The following CHD7 variants were observed in gnomAD, a reference collection of about 807,000 sequenced individuals.
CHD7 encodes ATP-dependent chromatin remodeler CHD7.
In CHD7, 24 loss-of-function variants were observed where a neutral mutation model predicts 307.3. The ratio of observed to expected loss-of-function variants is 0.08; its 90% CI spans 0.06 to 0.11. The LOEUF is 0.11. Among genes scored for constraint, CHD7 ranks in the 10% least tolerant of loss-of-function variants. The pLI is 1.00. For synonymous variants in CHD7, 1,363 were observed against 1,349.9 expected (o/e 1.01, Z -0.21); for missense variants, 3,106 against 3,727.1 (o/e 0.83, Z 4.34).
chr8:60,744,511 G>A (rs1809223501), intron 2 of CHD7, among the ~76,000 whole-genome samples: 1 of 121,856 alleles, frequency 8.2e-6, no homozygotes, highest in Non-Finnish European at 1.6e-5. Context: ...TTTTAGTGGT[G>A]ATAATTGTCT....
At chr8:60,842,713 A>G (rs1389305685) in intron 21 of CHD7, among the ~76,000 whole-genome samples, 1 of 152,180 alleles carries the variant, frequency 6.6e-6, no homozygotes, top group African/African-American at 2.4e-5. Flanking sequence ...CTGCAGCTAG[A>G]GTAACCTTTC....
intron 2 of CHD7, among the ~76,000 whole-genome samples, chr8:60,765,910 G>C (rs975987287): frequency 6.6e-6 from 1 of 152,176 alleles, no homozygotes; most frequent in Non-Finnish European, 1.5e-5. Context: ...CAGACTTAAG[G>C]GAGAACATAG....
At chr8:60,824,133 G>A (rs966431969) in intron 13 of CHD7, 117 bp downstream of exon 13, 9 of 909,696 alleles carry the variant, frequency 9.9e-6, no homozygotes, top group Non-Finnish European at 1.5e-5. Context: ...GTCAAATATT[G>A]TGATATATTC....
Position 60,747,814 on chromosome 8 carries a change from G to T in CHD7, c.1665+4717G>T, listed in dbSNP as rs1325882874. ...GTCACCACCTGACGTTAGTAAGGGT[G>T]TCAGGACTTCATTTCATTATCTCTG... On this transcript the variant is annotated intron_variant, in intron 2 of 37. Coordinates refer to ENST00000423902, the MANE Select transcript of CHD7 (RefSeq NM_017780.4). Among the ~76,000 whole-genome samples, 10 of 152,208 alleles carry T rather than the reference G, an allele frequency of 6.6e-5. No homozygotes were observed. The East Asian group carries it at 1.9e-3, about 29-fold the overall frequency.
intron 1 of CHD7, among the ~76,000 whole-genome samples, chr8:60,710,368 A>G (rs1807225534): frequency 6.6e-6 from 1 of 152,134 alleles, no homozygotes; most frequent in Non-Finnish European, 1.5e-5. Context: ...CAATGCACAC[A>G]GTTATGTACG....
intron 1 of CHD7, among the ~76,000 whole-genome samples, chr8:60,727,245 G>A (rs942523973): frequency 1.3e-5 from 2 of 152,030 alleles, no homozygotes; most frequent in Non-Finnish European, 2.9e-5. Context: ...TCCCACCTCA[G>A]CCTCCCCAGT....
In CHD7 at chr8:60,782,262, G is replaced by A. The variant is rs189878973; in HGVS notation, c.2096+832G>A. On this transcript the variant is annotated intron_variant, in intron 3 of 37. Transcript: ENST00000423902. ...CCGAATCTGTTTGCAAACTCCATTA[G>A]AAAACACGCCCACCCCATACCCTCA... 3.2e-3 allele frequency among the ~76,000 whole-genome samples: 484 copies of A among 152,250 alleles called. 1 individual carries two copies. The highest frequency in any genetic ancestry group is 6.8e-3 in the Middle Eastern group (2 of 294).
At chr8:60,735,682 C>G (rs1274809932) in intron 1 of CHD7, among the ~76,000 whole-genome samples, 2 of 152,046 alleles carry the variant, frequency 1.3e-5, no homozygotes, top group African/African-American at 4.8e-5. Context: ...AGATATGGAC[C>G]TTTAAAAGAA....
intron 1 of CHD7, among the ~76,000 whole-genome samples, chr8:60,685,231 C>G (rs543024092): frequency 6.6e-6 from 1 of 152,312 alleles, no homozygotes; most frequent in African/African-American, 2.4e-5. Context: ...AAGTAATCTG[C>G]TAGCTTTAAC....
intron 2 of CHD7, among the ~76,000 whole-genome samples, chr8:60,776,888 T>A (rs1810978639): frequency 1.3e-5 from 2 of 152,194 alleles, no homozygotes; most frequent in Admixed American, 1.3e-4. Context: ...GTAATAAAAA[T>A]GTGTCTCCAA....
intron 17 of CHD7, 91 bp downstream of exon 17, chr8:60,837,103 T>A: frequency 2.0e-6 from 2 of 988,380 alleles, no homozygotes; most frequent in South Asian, 1.7e-5. Flanking sequence ...TAAATTAATG[T>A]TGCGTCGTCA....
At chr8:60,851,212 A>G (rs774343612) in intron 27 of CHD7, 50 bp from the exon 28 acceptor site, 1 of 1,527,612 alleles carries the variant, frequency 6.5e-7, no homozygotes, top group South Asian at 1.2e-5. Context: ...AAGACAAAGA[A>G]AAATGAGACC....
chr8:60,858,647 G>A (rs150385926), intron 34 of CHD7, among the ~76,000 whole-genome samples: 44 of 152,108 alleles, frequency 2.9e-4, no homozygotes, highest in South Asian at 8.3e-4. Flanking sequence ...TCACTCTTTC[G>A]CCCAGGCTGG....
chr8:60,712,805 TTTGG>T (rs1807348805), intron 1 of CHD7, among the ~76,000 whole-genome samples: 1 of 151,802 alleles, frequency 6.6e-6, no homozygotes, highest in South Asian at 2.1e-4. Context: ...ATCCCAGCAC[TTTGG>T]GAGGCTGAGT....
rs373301291 is a variant in CHD7 at position 60,836,243 on chromosome 8, C to G, written c.3949C>G (p.Arg1317Gly). ...GGTGCTTATCTTTTCCCAGATGGTGCGCTGCTTGGACATACTGGAAGACTA... is the reference window on the plus strand; with the variant it reads ...GGTGCTTATCTTTTCCCAGATGGTGGGCTGCTTGGACATACTGGAAGACTA... ...HRVLIFSQMVRCLDILEDYLI... is the reference protein window; with the variant it reads ...HRVLIFSQMVGCLDILEDYLI... The change falls in exon 16 of 38, where the codon CGC becomes GGC. Residue 1317 changes from arginine to glycine, a missense_variant. Physicochemically the swap from Arg to Gly is moderately radical, Grantham distance 125. Coordinates refer to ENST00000423902, the MANE Select transcript of CHD7 (RefSeq NM_017780.4). 4 of 1,613,836 alleles carry G rather than the reference C, an allele frequency of 2.5e-6. No homozygotes were observed. In the African/African-American group the frequency reaches 5.3e-5, roughly 22 times the overall value.
At chr8:60,837,625 A>G (rs1444876899) in intron 17 of CHD7, 43 bp from the exon 18 acceptor site, 2 of 1,462,066 alleles carry the variant, frequency 1.4e-6, no homozygotes, top group African/African-American at 2.8e-5. Flanking sequence ...AGACAGAAAC[A>G]TTAGGTTCAT....
intron 1 of CHD7, among the ~76,000 whole-genome samples, chr8:60,716,974 G>A (rs538537077): frequency 6.6e-6 from 1 of 151,184 alleles, no homozygotes; most frequent in Non-Finnish European, 1.5e-5. Flanking sequence ...GTTTCTCTTT[G>A]AGACAGTCCT....
intron 34 of CHD7, among the ~76,000 whole-genome samples, chr8:60,858,729 T>G (rs1388809571): frequency 6.6e-6 from 1 of 152,188 alleles, no homozygotes; most frequent in Non-Finnish European, 1.5e-5. Flanking sequence ...CACCTCAGCC[T>G]CCCTAGTAGA....
Position 60,741,673 on chromosome 8 carries a change from C to T in CHD7, c.241C>T (p.His81Tyr). ...TAATCAGTATGAACAACAAAAGATG[C>T]ATCTGATGGATCAGCCGAACAGAAT... is the stretch of plus-strand genomic sequence containing the variant. Reference protein sequence around the residue: ...HYNQYEQQKMHLMDQPNRMMS... With the variant: ...HYNQYEQQKMYLMDQPNRMMS... Residue 81 changes from histidine (H) to tyrosine (Y), a missense_variant, in exon 2 of 38, where the codon CAT becomes TAT. Physicochemically the swap from His to Tyr is moderately conservative, Grantham distance 83. Coordinates refer to ENST00000423902, the MANE Select transcript of CHD7 (RefSeq NM_017780.4). 1 of 1,613,952 alleles carries T rather than the reference C, an allele frequency of 6.2e-7. No homozygotes were observed. Among genetic ancestry groups the T allele is most frequent in the Non-Finnish European group, 8.5e-7 (1 of 1,179,846 alleles).
Sources: gnomAD v4.1 joint callset for allele counts (sites outside exome capture counted in the v4.1 genomes callset) on GRCh38, gnomAD v4.1.1 for gene constraint, MANE v1.5 for transcripts, NCBI Gene and HGNC (gene_info 2026-07-23, HGNC 2026-07-21) for gene names.